TRPS1: variants seen among roughly 807,000 people sequenced by gnomAD.
TRPS1 encodes zinc finger transcription factor Trps1.
A neutral mutation model predicts 101.2 loss-of-function variants in TRPS1; 6 were observed. That is an observed-to-expected ratio of 0.06 (90% CI 0.03 to 0.12). The LOEUF (loss-of-function observed/expected upper bound fraction) is 0.12. Ranked by LOEUF, TRPS1 falls within the 10% of genes least tolerant of loss-of-function variation. The probability of loss-of-function intolerance (pLI) is 1.00; values close to 1 mark genes in which losing one functional copy is unlikely to be tolerated. For missense variants in TRPS1, 1,363 were observed against 1,567.0 expected (o/e 0.87, Z 2.20); for synonymous variants, 578 against 589.8 (o/e 0.98, Z 0.29).
chr8:115,540,888 A>T (rs1160766854), intron 5 of TRPS1, among the ~76,000 whole-genome samples: 2 of 152,064 alleles, frequency 1.3e-5, no homozygotes, highest in Non-Finnish European at 2.9e-5. Context: ...AATGCTTATG[A>T]TCTTTTCCCC....
chr8:115,571,882 T>C (rs3808454), intron 5 of TRPS1, among the ~76,000 whole-genome samples: 79,548 of 151,498 alleles, frequency 0.53, 22,313 homozygotes, highest in East Asian at 0.83. Context: ...TTTGATAATA[T>C]GTATATACGA....
chr8:115,419,204 T>C (rs924632040), intron 5 of TRPS1, among the ~76,000 whole-genome samples: 1 of 152,180 alleles, frequency 6.6e-6, no homozygotes, highest in African/African-American at 2.4e-5. Context: ...CTGAGTTTTG[T>C]AATCAACAGG....
chr8:115,433,709 G>A (rs186479267), intron 5 of TRPS1, among the ~76,000 whole-genome samples: 131 of 152,176 alleles, frequency 8.6e-4, no homozygotes, highest in African/African-American at 3.1e-3. Context: ...AGTACTAAAC[G>A]TACATATGAA....
chr8:115,436,229 C>T (rs1460725813), intron 5 of TRPS1, among the ~76,000 whole-genome samples: 1 of 152,138 alleles, frequency 6.6e-6, no homozygotes, highest in Admixed American at 6.5e-5. Flanking sequence ...TGACTTTAGG[C>T]ATATTTTGGC....
At chr8:115,573,315 T>C (rs1281052092) in intron 5 of TRPS1, among the ~76,000 whole-genome samples, 1 of 152,172 alleles carries the variant, frequency 6.6e-6, no homozygotes, top group Non-Finnish European at 1.5e-5. Context: ...GGGGTTATAA[T>C]GAGGATTAAG....
At position 115,587,043 on chromosome 8, in the gene TRPS1, C is replaced by A. The variant is rs191525942; in HGVS notation, c.2658G>T (p.Ser886=). ...SGALPQQYPA[S]GENKSKDESQ... ...ATTCATCCTTGGACTTGTTTTCTCC[C>A]GATGCAGGATACTGCTGGGGGAGGG... is the stretch of plus-strand genomic sequence containing the variant. The change falls in exon 5 of 7, where the codon TCG becomes TCT. Residue 886 remains serine, a synonymous_variant. Coordinates refer to ENST00000395715, the MANE Select transcript of TRPS1 (RefSeq NM_014112.5). The A allele has an allele frequency of 1.1e-3, 1,696 of 1,614,180 alleles. 7 individuals carry two copies. The highest frequency in any genetic ancestry group is 7.2e-4 in the Non-Finnish European group (855 of 1,180,032).
At chr8:115,484,416 C>G (rs1814828922) in intron 5 of TRPS1, among the ~76,000 whole-genome samples, 2 of 152,044 alleles carry the variant, frequency 1.3e-5, no homozygotes, top group African/African-American at 2.4e-5. Context: ...AGTCAAATAT[C>G]ATGTCCCCAT....
At chr8:115,611,483 C>T (rs1818163330) in intron 3 of TRPS1, among the ~76,000 whole-genome samples, 1 of 152,122 alleles carries the variant, frequency 6.6e-6, no homozygotes, top group Non-Finnish European at 1.5e-5. Context: ...AAGCTCACAA[C>T]TAAAAAGACA....
At chr8:115,427,104 C>T (rs994380046) in intron 5 of TRPS1, among the ~76,000 whole-genome samples, 85 of 151,722 alleles carry the variant, frequency 5.6e-4, no homozygotes, top group Middle Eastern at 6.8e-3. Flanking sequence ...AAGAACGTGT[C>T]TCTACAAAAA....
At chr8:115,452,583 T>A (rs1397665680) in intron 5 of TRPS1, among the ~76,000 whole-genome samples, 1 of 152,258 alleles carries the variant, frequency 6.6e-6, no homozygotes, top group African/African-American at 2.4e-5. Context: ...TTCTCTTTGA[T>A]GTGATAACGT....
chr8:115,527,581 C>T (rs967933420), intron 5 of TRPS1, among the ~76,000 whole-genome samples: 2 of 151,950 alleles, frequency 1.3e-5, no homozygotes, highest in Non-Finnish European at 2.9e-5. Flanking sequence ...CTCACTTTTT[C>T]ACTTTGTTTC....
At chr8:115,476,233 A>C (rs1814604836) in intron 5 of TRPS1, among the ~76,000 whole-genome samples, 1 of 78,930 alleles carries the variant, frequency 1.3e-5, no homozygotes, top group African/African-American at 9.3e-5. Context: ...TTTAGCCGGG[A>C]TGGTCTCGAT....
intron 5 of TRPS1, among the ~76,000 whole-genome samples, chr8:115,577,052 T>C (rs1817335131): frequency 6.6e-6 from 1 of 152,176 alleles, no homozygotes; most frequent in Non-Finnish European, 1.5e-5. Flanking sequence ...AAGCCAAATA[T>C]GTGCATCTCC....
Position 115,411,705 on chromosome 8 carries a change from C to T in TRPS1, c.*2318G>A, listed in dbSNP as rs1047448510. ...TCAGTTTATGTGAATATTAGAGCTA[C>T]GCGACAGGTGAGATCAGAATAAGGC... On this transcript the variant is annotated 3_prime_UTR_variant, in exon 7 of 7. Transcript: ENST00000395715. The T allele has an allele frequency of 5.2e-5, 8 of 152,466 alleles. No individual in the cohort carries two copies. Among genetic ancestry groups the T allele is most frequent in the Non-Finnish European group, 1.5e-5 (1 of 67,962 alleles). 9.4% of individuals were successfully genotyped at this position (152,466 alleles called of 1,614,324 possible). A position where few individuals can be genotyped will look rare whatever the true frequency, so the allele number is the denominator to read the frequency against.
intron 1 of TRPS1, among the ~76,000 whole-genome samples, chr8:115,635,117 A>T (rs1056350262): frequency 7.9e-5 from 12 of 152,190 alleles, no homozygotes; most frequent in Non-Finnish European, 1.6e-4. Flanking sequence ...GTTCAAGAAT[A>T]TTTTCTGATG....
At chr8:115,463,079 C>A (rs1814227832) in intron 5 of TRPS1, among the ~76,000 whole-genome samples, 1 of 152,118 alleles carries the variant, frequency 6.6e-6, no homozygotes, top group Non-Finnish European at 1.5e-5. Flanking sequence ...GTCTTTATAA[C>A]AAAACTTTGT....
At position 115,409,665 on chromosome 8, in the gene TRPS1, TC is replaced by T. The variant is rs1471277822; in HGVS notation, c.*4357del. On this transcript the variant is annotated 3_prime_UTR_variant, in exon 7 of 7. Coordinates refer to ENST00000395715, the MANE Select transcript of TRPS1 (RefSeq NM_014112.5). The stretch of plus-strand genomic sequence containing the variant: ...CCAAAAGGAAGTGCTCTGCAAAGAA[TC>T]CATGCCTCTGCCCTTGGCCGTCTTT... The T allele has an allele frequency of 1.3e-5, 2 of 152,092 alleles. No homozygotes were observed. Among genetic ancestry groups the T allele is most frequent in the African/African-American group, 2.4e-5 (1 of 41,438 alleles). The allele number at this position is 152,092 out of a possible 1,614,324, so 9.4% of individuals were successfully genotyped here.
At chr8:115,518,069 C>CT (rs369278187) in intron 5 of TRPS1, among the ~76,000 whole-genome samples, 151,691 of 151,692 alleles carry the variant, frequency 1, 75,845 homozygotes, top group Non-Finnish European at 1. Flanking sequence ...CCCAGAAGAA[C>CT]TTCCACATGC....
intron 5 of TRPS1, among the ~76,000 whole-genome samples, chr8:115,435,964 TCTTATA>T (rs1813439438): frequency 6.7e-6 from 1 of 149,994 alleles, no homozygotes; most frequent in South Asian, 2.1e-4. Context: ...TTTTTTTGAT[TCTTATA>T]CTTCTAAATG....
Sources: gnomAD v4.1 joint callset for allele counts (sites outside exome capture counted in the v4.1 genomes callset) on GRCh38, gnomAD v4.1.1 for gene constraint, MANE v1.5 for transcripts, NCBI Gene and HGNC (gene_info 2026-07-23, HGNC 2026-07-21) for gene names.